The following NFIA variants were observed in gnomAD, a reference collection of about 807,000 sequenced individuals.
The protein encoded by NFIA is nuclear factor I A, also known as nuclear factor 1 A-type.
Under a neutral mutation model 62.8 loss-of-function variants are expected in NFIA, and 8 were observed. That is an observed-to-expected ratio of 0.13 (90% CI 0.07 to 0.23). NFIA has a LOEUF of 0.23. NFIA is among the 10% of genes least tolerant of loss of function. The pLI, the probability that NFIA is intolerant of heterozygous loss-of-function variation, is 1.00. For synonymous variants in NFIA, 235 were observed against 238.1 expected, an observed-to-expected ratio of 0.99 and a Z score of 0.12; for missense variants, 410 against 642.1, an observed-to-expected ratio of 0.64 and a Z score of 3.91.
At chr1:61,102,604 AACTG>A (rs1292330586) in intron 2 of NFIA, among the ~76,000 whole-genome samples, 1 of 152,184 alleles carries the variant, frequency 6.6e-6, no homozygotes, top group Non-Finnish European at 1.5e-5. Context: ...ATATGAATAA[AACTG>A]AACACATTAA....
At chr1:61,412,668 T>A (rs1413730987) in intron 9 of NFIA, among the ~76,000 whole-genome samples, 1 of 152,212 alleles carries the variant, frequency 6.6e-6, no homozygotes, top group Non-Finnish European at 1.5e-5. Context: ...CTGCTGGACT[T>A]ATCATAATAA....
At chr1:61,403,374 C>T (rs1183947707) in intron 7 of NFIA, among the ~76,000 whole-genome samples, 1 of 152,132 alleles carries the variant, frequency 6.6e-6, no homozygotes, top group Admixed American at 6.5e-5. Context: ...ATGAAATTTA[C>T]CAGGGTTCAA....
intron 10 of NFIA, among the ~76,000 whole-genome samples, chr1:61,448,079 A>G (rs1180009393): frequency 6.6e-6 from 1 of 152,084 alleles, no homozygotes; most frequent in Non-Finnish European, 1.5e-5. Flanking sequence ...TCTCTGATCT[A>G]TGTAGTATGC....
At chr1:61,425,324 A>T (rs1666817259) in intron 9 of NFIA, among the ~76,000 whole-genome samples, 2 of 152,204 alleles carry the variant, frequency 1.3e-5, no homozygotes, top group East Asian at 1.9e-4. Flanking sequence ...GATGTCAATA[A>T]GGAAAAAAAA....
chr1:61,374,984 G>A (rs1338468722), intron 6 of NFIA, among the ~76,000 whole-genome samples: 1 of 152,144 alleles, frequency 6.6e-6, no homozygotes, highest in African/African-American at 2.4e-5. Context: ...TCTAACAAAC[G>A]TGTGGTGTCT....
intron 3 of NFIA, among the ~76,000 whole-genome samples, chr1:61,312,729 T>C (rs1486076028): frequency 6.6e-6 from 1 of 151,926 alleles, no homozygotes; most frequent in African/African-American, 2.4e-5. Context: ...CTCAGGCTGG[T>C]CTCAAACTCC....
At chr1:61,435,828 A>G (rs1280346846) in intron 10 of NFIA, among the ~76,000 whole-genome samples, 2 of 152,144 alleles carry the variant, frequency 1.3e-5, no homozygotes, top group Non-Finnish European at 2.9e-5. Flanking sequence ...GATCTGCCAT[A>G]TTCTTTTTTC....
chr1:61,407,093 C>G (rs561922504), intron 9 of NFIA, among the ~76,000 whole-genome samples: 66 of 152,334 alleles, frequency 4.3e-4, no homozygotes, highest in African/African-American at 1.6e-3. Context: ...ACAGACAGCC[C>G]TGCCTTCCAG....
rs189938447 is a variant in NFIA, at chr1:61,285,633, C to T, written c.625+8048C>T. ...TCTTTTCCCCCTGGCATTAGCTTGT[C>T]GTTAAGGAAATCTAGTGGGATATCT... On this transcript the variant is annotated intron_variant, in intron 3 of 10. Transcript: ENST00000403491. Among the ~76,000 whole-genome samples the T allele has an allele frequency of 2.6e-4, 40 of 152,152 alleles. No homozygotes were observed. In the East Asian group the frequency reaches 3.5e-3, roughly 13 times the overall value.
intron 9 of NFIA, among the ~76,000 whole-genome samples, chr1:61,408,003 C>G (rs1219299815): frequency 6.6e-6 from 1 of 152,006 alleles, no homozygotes; most frequent in East Asian, 1.9e-4. Context: ...ATGCCATGTT[C>G]ATAGAATTTG....
intron 2 of NFIA, among the ~76,000 whole-genome samples, chr1:61,136,429 A>C (rs373712636): frequency 1.3e-5 from 2 of 152,350 alleles, no homozygotes. Flanking sequence ...TAGACAAATT[A>C]TACGCAAACT....
intron 2 of NFIA, among the ~76,000 whole-genome samples, chr1:61,197,794 A>G (rs1258090384): frequency 1.3e-5 from 2 of 151,062 alleles, no homozygotes; most frequent in Non-Finnish European, 2.9e-5. Flanking sequence ...AGCCTAGCCA[A>G]TATAGTGAAA....
At chr1:61,101,785 GAA>G (rs1240153804) in intron 2 of NFIA, among the ~76,000 whole-genome samples, 2 of 152,154 alleles carry the variant, frequency 1.3e-5, no homozygotes, top group African/African-American at 2.4e-5. Flanking sequence ...TTTATTAAAA[GAA>G]AAGAGATACA....
chr1:61,386,531 T>C (rs140644115), intron 7 of NFIA, among the ~76,000 whole-genome samples: 2 of 152,248 alleles, frequency 1.3e-5, no homozygotes, highest in African/African-American at 4.8e-5. Flanking sequence ...TCAACTAGAC[T>C]AGCACCAGTT....
chr1:61,312,764 C>T lies in NFIA; in HGVS notation c.626-19748C>T, dbSNP rs550472166. Among the ~76,000 whole-genome samples the T allele has an allele frequency of 3.3e-5, 5 of 152,082 alleles. No homozygotes were observed. In the South Asian group the frequency reaches 8.3e-4, roughly 25 times the overall value. On this transcript the variant is annotated intron_variant, in intron 3 of 10. Coordinates refer to ENST00000403491, the MANE Select transcript of NFIA (RefSeq NM_001134673.4). ...CTGGGCTCAAGTGATCCTCCTGCCT[C>T]AGCCTTCCAAAGTGCTGGGATTACA...
At position 61,406,542 on chromosome 1, in the gene NFIA, T is replaced by TGGGGGGGGGGGGGGGGGGGGG; in HGVS notation, c.1255-19_1255-18insGGGGGGGGGGGGGGGGGGGGG. 26 of 1,253,798 alleles carry TGGGGGGGGGGGGGGGGGGGGG rather than the reference T, an allele frequency of 2.1e-5. No individual in the cohort carries two copies. The highest frequency in any genetic ancestry group is 1.8e-4 in the East Asian group (6 of 32,726). The allele number at this position is 1,253,798 out of a possible 1,614,324, so 77.7% of individuals were successfully genotyped here. ...TTCTTTTTCTTGTACGTGTGTTTTC[T>TGGGGGGGGGGGGGGGGGGGGG]GCCCCCCCCCCCCCCACAGCCCAAT... On this transcript the variant is annotated intron_variant, in intron 8 of 10. Transcript: ENST00000403491.
chr1:61,081,807 C>A, upstream of NFIA: 1 of 1,440,048 alleles, frequency 6.9e-7, no homozygotes, highest in Admixed American at 2.1e-5. Context: ...GGATTGTGTG[C>A]ATAATTACCT....
chr1:61,337,857 G>A (rs757516168), intron 4 of NFIA, among the ~76,000 whole-genome samples: 3 of 152,134 alleles, frequency 2.0e-5, no homozygotes, highest in East Asian at 1.9e-4. Context: ...GAGTGCTAAG[G>A]CTGTCAAATA....
chr1:61,150,697 C>T (rs1036221172), intron 2 of NFIA, among the ~76,000 whole-genome samples: 2 of 152,114 alleles, frequency 1.3e-5, no homozygotes, highest in Non-Finnish European at 2.9e-5. Flanking sequence ...CCCAACAAAC[C>T]CCAGGGTGTC....
Sources: allele counts gnomAD v4.1 joint callset (sites outside exome capture counted in the v4.1 genomes callset), GRCh38; gene constraint gnomAD v4.1.1; transcripts MANE v1.5; gene names NCBI Gene and HGNC (gene_info 2026-07-23, HGNC 2026-07-21).